PSG6: variants seen among roughly 807,000 people sequenced by gnomAD.
PSG6 encodes pregnancy specific beta-1-glycoprotein 6.
A neutral mutation model predicts 43.3 loss-of-function variants in PSG6; 51 were observed. The ratio of observed to expected loss-of-function variants is 1.18; its 90% CI spans 0.94 to 1.49. The LOEUF is 1.49. PSG6 is among the 40% of genes most tolerant of loss of function. The pLI is 0.00. For missense variants in PSG6, 770 were observed against 522.2 expected (o/e 1.47, Z -4.62); for synonymous variants, 292 against 197.6 (o/e 1.48, Z -4.01).
At chr19:42,911,040 G>A (rs1972214727) in intron 2 of PSG6, among the ~76,000 whole-genome samples, 182 bp from the exon 3 acceptor site, 1 of 151,550 alleles carries the variant, frequency 6.6e-6, no homozygotes, top group Non-Finnish European at 1.5e-5. Flanking sequence ...TTGTGAGGCT[G>A]CCTGCTTTAT....
rs1266057113 is a variant in PSG6, at chr19:42,904,866, AC to A, written c.1240+2055del. On this transcript the variant is annotated intron_variant, in intron 5 of 5. Coordinates refer to ENST00000187910, the MANE Select transcript of PSG6 (RefSeq NM_001031850.4). ...GAGGAAGAATGAAGCTGGAGGACTC[AC>A]ACTTCCTGATTTCAGCATTTACTAC... Among the ~76,000 whole-genome samples, 24 of 151,828 alleles carry A rather than the reference AC, an allele frequency of 1.6e-4. 1 individual carries two copies. The highest frequency in any genetic ancestry group is 5.6e-4 in the African/African-American group (23 of 41,424).
chr19:42,913,038 T>G lies in PSG6; in HGVS notation c.428-2180A>C, dbSNP rs146663464. On this transcript the variant is annotated intron_variant, in intron 2 of 5. Coordinates refer to ENST00000187910, the MANE Select transcript of PSG6 (RefSeq NM_001031850.4). ...TTGTTCCGCTTTTTTTCCCCACTCT[T>G]TTTGAGCTTTCCTGTTTCAGTTTTG... 7.8e-3 allele frequency among the ~76,000 whole-genome samples: 1,187 copies of G among 151,840 alleles called. 33 individuals carry two copies. The highest frequency in any genetic ancestry group is 0.026 in the African/African-American group (1,097 of 41,406).
chr19:42,908,397 C>G (rs888316397), intron 3 of PSG6, among the ~76,000 whole-genome samples: 2 of 151,658 alleles, frequency 1.3e-5, no homozygotes, highest in Admixed American at 1.3e-4. Context: ...CAGAGTCAAG[C>G]CTGTAGGTCA....
intron 2 of PSG6, among the ~76,000 whole-genome samples, chr19:42,911,900 A>G (rs1049879990): frequency 5.3e-5 from 8 of 151,544 alleles, no homozygotes; most frequent in Admixed American, 5.3e-4. Flanking sequence ...CAGCAACTGA[A>G]ATCACGGGTA....
intron 2 of PSG6, among the ~76,000 whole-genome samples, chr19:42,911,246 C>A (rs1012958852): frequency 2.0e-4 from 31 of 151,438 alleles, no homozygotes; most frequent in African/African-American, 7.3e-4. Flanking sequence ...CACTTTGCCC[C>A]CTGAGGTATG....
chr19:42,908,042 T>C, intron 3 of PSG6, 188 bp from the exon 4 acceptor site: 3 of 991,150 alleles, frequency 3.0e-6, no homozygotes, highest in East Asian at 2.6e-5. Flanking sequence ...TCCTGCTCTG[T>C]CTTAGGGAAG....
At chr19:42,914,518 G>T (rs181518723) in intron 2 of PSG6, among the ~76,000 whole-genome samples, 8,984 of 123,500 alleles carry the variant, frequency 0.073, 559 homozygotes, top group East Asian at 0.22. Flanking sequence ...GGTGCCCCCA[G>T]CTCCACAGTC....
In PSG6 at chr19:42,915,150, C is replaced by T. The variant is rs578257091; in HGVS notation, c.427+975G>A. On this transcript the variant is annotated intron_variant, in intron 2 of 5. Coordinates refer to ENST00000187910, the MANE Select transcript of PSG6 (RefSeq NM_001031850.4). ...GCTGCAGACAGACCTCATGTGACCC[C>T]GATCTCCCCTTTGTGTTTGTGTGAC... Among the ~76,000 whole-genome samples, 19 of 151,590 alleles carry T rather than the reference C, an allele frequency of 1.3e-4. 1 individual carries two copies. In the South Asian group the frequency reaches 2.3e-3, roughly 19 times the overall value.
At position 42,912,473 on chromosome 19, in the gene PSG6, A is replaced by G. The variant is rs113373626; in HGVS notation, c.428-1615T>C. Among the ~76,000 whole-genome samples, 195 of 151,912 alleles carry G rather than the reference A, an allele frequency of 1.3e-3. 5 individuals are homozygous for G. The highest frequency in any genetic ancestry group is 2.5e-3 in the Non-Finnish European group (170 of 67,952). ...CACATTATGCTCAAAGAAAGATGCC[A>G]AAGGTGATTTGAAATTAGCAACTCC... On this transcript the variant is annotated intron_variant, in intron 2 of 5. Coordinates refer to ENST00000187910, the MANE Select transcript of PSG6 (RefSeq NM_001031850.4).
intron 2 of PSG6, among the ~76,000 whole-genome samples, chr19:42,913,362 G>C (rs1299005079): frequency 2.0e-5 from 3 of 151,700 alleles, no homozygotes; most frequent in African/African-American, 4.8e-5. Context: ...ATGTTAGCCA[G>C]GATGGTCTCT....
chr19:42,903,955 AAAT>A (rs1275058064), intron 5 of PSG6, among the ~76,000 whole-genome samples: 1 of 151,654 alleles, frequency 6.6e-6, no homozygotes, highest in African/African-American at 2.4e-5. Context: ...AATTCTAATA[AAAT>A]AATGATTATG....
At chr19:42,908,552 G>T (rs549486602) in intron 3 of PSG6, among the ~76,000 whole-genome samples, 2 of 151,706 alleles carry the variant, frequency 1.3e-5, no homozygotes, top group Non-Finnish European at 2.9e-5. Flanking sequence ...GGCAAGAGCT[G>T]GTGGCTTTGG....
intron 5 of PSG6, among the ~76,000 whole-genome samples, chr19:42,906,422 T>G (rs1056369040): frequency 6.6e-6 from 1 of 151,336 alleles, no homozygotes; most frequent in African/African-American, 2.4e-5. Flanking sequence ...GCCAGGCCAG[T>G]CACCAGAGGA....
chr19:42,910,495 A>G (rs1359568335), intron 3 of PSG6, 85 bp downstream of exon 3: 1 of 1,612,072 alleles, frequency 6.2e-7, no homozygotes. Flanking sequence ...CTGTACTTGG[A>G]CCTGAGAGGG....
intron 3 of PSG6, 197 bp downstream of exon 3, chr19:42,910,383 G>C (rs1264695378): frequency 7.2e-7 from 1 of 1,391,464 alleles, no homozygotes; most frequent in East Asian, 2.3e-5. Flanking sequence ...TCCCATGACA[G>C]GAGAAGCCTC....
chr19:42,906,956 C>A lies in PSG6; in HGVS notation c.1206G>T (p.Lys402Asn), dbSNP rs185561006. Residue 402 changes from lysine to asparagine, a missense_variant, in exon 5 of 6, where the codon AAG (lysine) becomes AAT (asparagine). By Grantham distance (94) the Lys-to-Asn change is moderately conservative. Transcript: ENST00000187910. ...TGACTATCATGGATTTGGAGATTTC[C>A]TTGCCAGTGGCTGAGTTACGAACAG... ...ACSVRNSATG[K>N]EISKSMIVKV... is the part of the protein sequence containing the mutation. 6.2e-7 allele frequency: 1 copy of A among 1,612,396 alleles called. No homozygotes were observed. The highest frequency in any genetic ancestry group is 8.5e-7 in the Non-Finnish European group (1 of 1,179,084).
rs181185643 is a variant in PSG6, at chr19:42,908,765, G to A, written c.707-911C>T. Among the ~76,000 whole-genome samples the A allele has an allele frequency of 1.3e-5, 2 of 151,850 alleles. 1 individual carries two copies. Among genetic ancestry groups the A allele is most frequent in the East Asian group, 3.9e-4 (2 of 5,156 alleles). ...TTGATGGATATGAGACAAATTTGGA[G>A]AGAAGTTTTGCAAATATTTTCTTTC... On this transcript the variant is annotated intron_variant, in intron 3 of 5. Transcript: ENST00000187910.
At position 42,913,392 on chromosome 19, in the gene PSG6, G is replaced by A. The variant is rs147254463; in HGVS notation, c.428-2534C>T. On this transcript the variant is annotated intron_variant, in intron 2 of 5. Coordinates refer to ENST00000187910, the MANE Select transcript of PSG6 (RefSeq NM_001031850.4). ...GTCTCTATCTCCTGACCTTGTGCCC[G>A]CCTCAGCCTCCCAAAGTGCTGGGAT... Among the ~76,000 whole-genome samples, 249 of 151,822 alleles carry A rather than the reference G, an allele frequency of 1.6e-3. 8 individuals are homozygous for A. The highest frequency in any genetic ancestry group is 5.7e-3 in the African/African-American group (237 of 41,406).
chr19:42,911,472 C>A (rs927995853), intron 2 of PSG6, among the ~76,000 whole-genome samples: 3 of 151,486 alleles, frequency 2.0e-5, no homozygotes, highest in African/African-American at 7.3e-5. Flanking sequence ...CTCATAGTGA[C>A]TGAGTTGAGC....
Sources: allele counts gnomAD v4.1 joint callset (sites outside exome capture counted in the v4.1 genomes callset), GRCh38; gene constraint gnomAD v4.1.1; transcripts MANE v1.5; gene names NCBI Gene and HGNC (gene_info 2026-07-23, HGNC 2026-07-21).